The following NEK11 variants were observed in gnomAD, a reference collection of about 807,000 sequenced individuals.
NEK11 encodes the protein NIMA related kinase 11.
A neutral mutation model predicts 80.7 loss-of-function variants in NEK11; 72 were observed. The ratio of observed to expected loss-of-function variants is 0.89; its 90% CI spans 0.74 to 1.08. NEK11 has a LOEUF of 1.08. Ranked by LOEUF, NEK11 falls within the 50% of genes least tolerant of loss-of-function variation. The pLI is 0.00. For synonymous variants in NEK11, 251 were observed against 260.7 expected (o/e 0.96, Z 0.36); for missense variants, 764 against 763.6 (o/e 1.00, Z -0.01).
intron 17 of NEK11, among the ~76,000 whole-genome samples, chr3:131,299,456 G>A (rs1256722345): frequency 1.3e-5 from 2 of 151,832 alleles, no homozygotes; most frequent in Non-Finnish European, 2.9e-5. Flanking sequence ...CCTCCCAAAA[G>A]TGCTGCAATT....
rs763736419 is a variant in NEK11 at position 131,152,396 on chromosome 3, C to A, written c.656C>A (p.Ala219Glu). 1.3e-6 allele frequency: 2 copies of A among 1,599,048 alleles called. No individual in the cohort carries two copies. Among genetic ancestry groups the A allele is most frequent in the Non-Finnish European group, 8.5e-7 (1 of 1,174,140 alleles). Residue 219 changes from alanine (A) to glutamate (E), a missense_variant, in exon 8 of 18, where the codon GCA (alanine) becomes GAA (glutamate). Coordinates refer to ENST00000383366, the MANE Select transcript of NEK11 (RefSeq NM_024800.5). ...YDTKSDIWSLACILYEMCCMN... is the reference protein window; with the variant it reads ...YDTKSDIWSLECILYEMCCMN... ...TTTGACTTTGTCTTCAGGTCACTGG[C>A]ATGCATTTTGTATGAGATGTGCTGC... is the stretch of plus-strand genomic sequence containing the variant.
At chr3:131,115,962 C>CTTTA (rs779955353) in intron 5 of NEK11, among the ~76,000 whole-genome samples, 6 of 140,870 alleles carry the variant, frequency 4.3e-5, no homozygotes, top group Admixed American at 7.2e-5. Flanking sequence ...TTCTTTCTTT[C>CTTTA]TTTCTTTCTT....
intron 3 of NEK11, among the ~76,000 whole-genome samples, chr3:131,078,188 T>G (rs1018812292): frequency 6.6e-6 from 1 of 152,182 alleles, no homozygotes; most frequent in Non-Finnish European, 1.5e-5. Context: ...GGGAAGACCA[T>G]GGAGAATATT....
chr3:131,140,906 T>A (rs752859084), intron 7 of NEK11, among the ~76,000 whole-genome samples: 9 of 152,180 alleles, frequency 5.9e-5, no homozygotes, highest in Non-Finnish European at 1.0e-4. Context: ...CTGGACCATC[T>A]GACTCCAGCC....
intron 3 of NEK11, among the ~76,000 whole-genome samples, chr3:131,046,944 G>A (rs2067490890): frequency 6.6e-6 from 1 of 152,102 alleles, no homozygotes; most frequent in Admixed American, 6.5e-5. Context: ...CTTTGGTTTG[G>A]TTGTTTAGCA....
At chr3:131,210,684 T>C (rs2094582433) in intron 14 of NEK11, among the ~76,000 whole-genome samples, 1 of 152,232 alleles carries the variant, frequency 6.6e-6, no homozygotes, top group South Asian at 2.1e-4. Flanking sequence ...ATATTTAGGA[T>C]AGTTAGCTCT....
At chr3:131,295,464 G>A (rs1315231198) in intron 17 of NEK11, among the ~76,000 whole-genome samples, 1 of 152,150 alleles carries the variant, frequency 6.6e-6, no homozygotes, top group East Asian at 1.9e-4. Flanking sequence ...GATACTCAAC[G>A]TGTAGTACGT....
At chr3:131,189,479 T>C (rs1380594189) in intron 14 of NEK11, among the ~76,000 whole-genome samples, 2 of 152,228 alleles carry the variant, frequency 1.3e-5, no homozygotes, top group African/African-American at 2.4e-5. Context: ...TCACTGCATC[T>C]TTTATAAGGG....
At chr3:131,149,542 A>C (rs2089206690) in intron 7 of NEK11, among the ~76,000 whole-genome samples, 1 of 151,930 alleles carries the variant, frequency 6.6e-6, no homozygotes, top group African/African-American at 2.4e-5. Flanking sequence ...TATTATCTTA[A>C]ATAAGAAATT....
At chr3:131,077,393 G>A (rs965345471) in intron 3 of NEK11, among the ~76,000 whole-genome samples, 6 of 152,126 alleles carry the variant, frequency 3.9e-5, no homozygotes, top group Admixed American at 2.0e-4. Context: ...GAACGTCTCC[G>A]CATCAGCTAG....
At chr3:131,289,002 G>A (rs1247258288) in intron 17 of NEK11, among the ~76,000 whole-genome samples, 1 of 152,170 alleles carries the variant, frequency 6.6e-6, no homozygotes, top group Non-Finnish European at 1.5e-5. Context: ...GAACTCATCA[G>A]AAAAATCAGG....
intron 17 of NEK11, among the ~76,000 whole-genome samples, chr3:131,298,706 T>C (rs554286803): frequency 3.3e-5 from 5 of 151,852 alleles, no homozygotes; most frequent in Admixed American, 1.3e-4. Flanking sequence ...GTGGTGGTGG[T>C]GGTGGTGGTA....
At chr3:131,287,349 C>T (rs1466226840) in intron 17 of NEK11, among the ~76,000 whole-genome samples, 1 of 152,206 alleles carries the variant, frequency 6.6e-6, no homozygotes, top group Non-Finnish European at 1.5e-5. Context: ...TCTCAGCTCA[C>T]TGCAACCTCC....
chr3:131,143,798 A>T (rs2087513954), intron 7 of NEK11, among the ~76,000 whole-genome samples: 1 of 152,114 alleles, frequency 6.6e-6, no homozygotes, highest in Admixed American at 6.6e-5. Flanking sequence ...ATTTAGACTG[A>T]ATTTAGGTTA....
chr3:131,169,406 TAG>T (rs1022103245), intron 13 of NEK11, among the ~76,000 whole-genome samples: 39 of 152,184 alleles, frequency 2.6e-4, no homozygotes, highest in African/African-American at 9.4e-4. Flanking sequence ...TTGAGGCATG[TAG>T]AGAGAGTGGC....
At chr3:131,182,611 A>G (rs1303337694) in intron 14 of NEK11, among the ~76,000 whole-genome samples, 1 of 151,928 alleles carries the variant, frequency 6.6e-6, no homozygotes, top group Non-Finnish European at 1.5e-5. Flanking sequence ...TAACCCCTTC[A>G]TTTGTCTGAA....
At chr3:131,119,562 C>T (rs529516666) in intron 5 of NEK11, among the ~76,000 whole-genome samples, 53 of 152,246 alleles carry the variant, frequency 3.5e-4, no homozygotes, top group African/African-American at 1.3e-3. Flanking sequence ...CTAATGTTGA[C>T]AGTGGGATGT....
intron 17 of NEK11, chr3:131,327,711 G>A (rs2096991638): frequency 6.7e-6 from 1 of 150,136 alleles, no homozygotes; most frequent in African/African-American, 2.5e-5. Flanking sequence ...TCCAGAAGAT[G>A]GTGGTTCAAA....
intron 1 of NEK11, chr3:131,027,595 T>C (rs1338733120): frequency 2.6e-5 from 4 of 152,242 alleles, no homozygotes; most frequent in Admixed American, 2.6e-4. Flanking sequence ...ATAAAGAAGA[T>C]GTGTTCGCAG....
Sources: gnomAD v4.1 joint callset for allele counts (sites outside exome capture counted in the v4.1 genomes callset) on GRCh38, gnomAD v4.1.1 for gene constraint, MANE v1.5 for transcripts, NCBI Gene and HGNC (gene_info 2026-07-23, HGNC 2026-07-21) for gene names.